The following SCAF8 variants were observed in gnomAD, a reference collection of about 807,000 sequenced individuals.
The protein encoded by SCAF8 is SR-related and CTD-associated factor 8.
Under a neutral mutation model 140.5 loss-of-function variants are expected in SCAF8, and 23 were observed. The observed-to-expected ratio is 0.16, with a 90% CI of 0.12 to 0.23. The LOEUF is 0.23. SCAF8 is among the 10% of genes least tolerant of loss of function. The pLI is 1.00. For missense variants in SCAF8, 1,397 were observed against 1,555.7 expected (o/e 0.90, Z 1.72); for synonymous variants, 575 against 528.9 (o/e 1.09, Z -1.20).
At chr6:154,759,613 T>C (rs947645576) in intron 1 of SCAF8, among the ~76,000 whole-genome samples, 1 of 151,928 alleles carries the variant, frequency 6.6e-6, no homozygotes, top group Admixed American at 6.6e-5. Context: ...TATTTATTTT[T>C]ATTCATACTA....
At chr6:154,752,875 C>T (rs1778872663) in intron 1 of SCAF8, among the ~76,000 whole-genome samples, 1 of 152,184 alleles carries the variant, frequency 6.6e-6, no homozygotes, top group Admixed American at 6.5e-5. Context: ...GCACTTGCCA[C>T]CATGCCCGGC....
chr6:154,828,255 G>A (rs1778626044), intron 18 of SCAF8, among the ~76,000 whole-genome samples: 1 of 152,146 alleles, frequency 6.6e-6, no homozygotes, highest in Non-Finnish European at 1.5e-5. Context: ...TGAAGAAAAA[G>A]TTTTCCTTAA....
chr6:154,813,801 A>G (rs989663052), intron 12 of SCAF8, among the ~76,000 whole-genome samples: 1 of 152,118 alleles, frequency 6.6e-6, no homozygotes, highest in Non-Finnish European at 1.5e-5. Flanking sequence ...AGAAAAGGTG[A>G]TGTGATAATG....
intron 1 of SCAF8, among the ~76,000 whole-genome samples, chr6:154,771,767 T>C (rs1324977447): frequency 1.3e-5 from 2 of 152,076 alleles, no homozygotes; most frequent in Non-Finnish European, 2.9e-5. Flanking sequence ...TGAAAAACTG[T>C]TGGGCACTAA....
chr6:154,799,844 G>A (rs188307718), intron 6 of SCAF8, among the ~76,000 whole-genome samples: 4 of 150,986 alleles, frequency 2.6e-5, no homozygotes, highest in Admixed American at 2.6e-4. Context: ...AGTGTAATTG[G>A]CGCAATCTCG....
chr6:154,815,620 AATT>A (rs1449365522), intron 12 of SCAF8, 93 bp from the exon 13 acceptor site: 21 of 489,096 alleles, frequency 4.3e-5, no homozygotes, highest in East Asian at 3.4e-4. Context: ...TCTTAAATTT[AATT>A]ATTATGTGTA....
chr6:154,784,755 G>A (rs1777202221), intron 3 of SCAF8, among the ~76,000 whole-genome samples: 1 of 152,166 alleles, frequency 6.6e-6, no homozygotes, highest in Non-Finnish European at 1.5e-5. Context: ...TCGGATTTTG[G>A]TATCTTCAGG....
At chr6:154,820,991 A>G (rs1168316040) in intron 15 of SCAF8, among the ~76,000 whole-genome samples, 10 of 152,184 alleles carry the variant, frequency 6.6e-5, no homozygotes, top group Admixed American at 6.5e-4. Context: ...TAATTTTCAG[A>G]ATATTTGTTT....
intron 18 of SCAF8, among the ~76,000 whole-genome samples, chr6:154,829,559 C>T (rs935705984): frequency 6.6e-6 from 1 of 152,094 alleles, no homozygotes; most frequent in Non-Finnish European, 1.5e-5. Flanking sequence ...TTTTGATTAT[C>T]TAATTCATTT....
At chr6:154,785,453 C>T (rs551734890) in intron 3 of SCAF8, among the ~76,000 whole-genome samples, 8 of 152,308 alleles carry the variant, frequency 5.3e-5, no homozygotes, top group African/African-American at 1.9e-4. Context: ...CTCTCTTCCT[C>T]GCAATGCATG....
intron 1 of SCAF8, among the ~76,000 whole-genome samples, chr6:154,745,675 T>C (rs1778680121): frequency 6.6e-6 from 1 of 152,210 alleles, no homozygotes; most frequent in Non-Finnish European, 1.5e-5. Context: ...TCTGGGGAGA[T>C]ACTTTGATGC....
Position 154,824,759 on chromosome 6 carries a change from A to G in SCAF8, c.2071+381A>G, listed in dbSNP as rs562847249. 2.8e-3 allele frequency: 435 copies of G among 157,862 alleles called. 3 individuals are homozygous for G. The highest frequency in any genetic ancestry group is 0.01 in the African/African-American group (424 of 41,630). 9.8% of individuals were successfully genotyped at this position (157,862 alleles called of 1,614,324 possible). A position where few individuals can be genotyped will look rare whatever the true frequency, so the allele number is the denominator to read the frequency against. Reference sequence around the variant, plus strand: ...GGAGTTTGAGACCAGCCTGGCCAACATGGTGAAATCCCATCTGTACTAAAA... The same window carrying G: ...GGAGTTTGAGACCAGCCTGGCCAACGTGGTGAAATCCCATCTGTACTAAAA... On this transcript the variant is annotated intron_variant, in intron 17 of 19. Coordinates refer to ENST00000367178, the MANE Select transcript of SCAF8 (RefSeq NM_014892.5).
intron 1 of SCAF8, among the ~76,000 whole-genome samples, chr6:154,735,738 TC>T (rs970228166): frequency 3.2e-4 from 48 of 152,254 alleles, no homozygotes; most frequent in African/African-American, 1.1e-3. Context: ...GTTCTCAAAC[TC>T]CTGACCTCAA....
intron 5 of SCAF8, among the ~76,000 whole-genome samples, chr6:154,793,676 G>T (rs1777492666): frequency 6.6e-6 from 1 of 151,698 alleles, no homozygotes; most frequent in Non-Finnish European, 1.5e-5. Context: ...TCAGCTGGGT[G>T]TGGTAGTGGG....
chr6:154,813,618 A>G (rs531418948), intron 12 of SCAF8, among the ~76,000 whole-genome samples: 1 of 152,280 alleles, frequency 6.6e-6, no homozygotes, highest in South Asian at 2.1e-4. Context: ...GGCCCCCTAA[A>G]AGGTATCTAC....
Position 154,833,696 on chromosome 6 carries a change from G to T in SCAF8, c.*301G>T, listed in dbSNP as rs1001801332. The T allele has an allele frequency of 2.1e-5, 5 of 242,272 alleles. No homozygotes were observed. In the South Asian group the frequency reaches 3.5e-4, roughly 17 times the overall value. The allele number at this position is 242,272 out of a possible 1,614,324, so 15.0% of individuals were successfully genotyped here. On this transcript the variant is annotated 3_prime_UTR_variant, in exon 20 of 20. Transcript: ENST00000367178. ...TGTCAGAGACTTCCTATGGAAGAAA[G>T]AATTTTTTAGATACTATCATTAGGT... is the stretch of plus-strand genomic sequence containing the variant.
rs1196919569 is a variant in SCAF8, at chr6:154,832,985, C to A, written c.3406C>A (p.Pro1136Thr). Residue 1136 changes from proline (P) to threonine (T), a missense_variant, in exon 20 of 20, where the codon CCT becomes ACT. Physicochemically the swap from Pro to Thr is conservative, Grantham distance 38. Around this residue, in one of 5 missense-constraint regions of SCAF8, gnomAD observed 930 missense variants for 874.6 expected, o/e 1.06. Transcript: ENST00000367178. ...CTATCGATTTGATCCTAGAAGTGGT[C>A]CTTGGAACCGAGGATTTGGACAAGA... The part of the protein sequence containing the change: ...GNYRFDPRSG[P>T]WNRGFGQEVH... The A allele has an allele frequency of 6.2e-7, 1 of 1,614,002 alleles. No homozygotes were observed. The highest frequency in any genetic ancestry group is 1.1e-5 in the South Asian group (1 of 91,064).
chr6:154,791,570 C>G (rs72993443), intron 4 of SCAF8, among the ~76,000 whole-genome samples: 3,296 of 152,152 alleles, frequency 0.022, 39 homozygotes, highest in African/African-American at 0.025. Context: ...TTTGGAGGTT[C>G]AGAAAAGAGA....
intron 1 of SCAF8, among the ~76,000 whole-genome samples, chr6:154,741,414 CT>C (rs879496269): frequency 4.0e-5 from 6 of 148,784 alleles, no homozygotes; most frequent in Admixed American, 6.7e-5. Context: ...TCATTTGCTT[CT>C]TTTTTTTTTG....
Sources: allele counts gnomAD v4.1 joint callset (sites outside exome capture counted in the v4.1 genomes callset), GRCh38; gene constraint gnomAD v4.1.1; regional missense constraint gnomAD v4.1.1; transcripts MANE v1.5; gene names NCBI Gene and HGNC (gene_info 2026-07-23, HGNC 2026-07-21).